Variants in EEPD1 observed in about 807,000 individuals in gnomAD.
EEPD1 encodes the protein endonuclease/exonuclease/phosphatase family domain-containing protein 1.
Under a neutral mutation model 46.3 loss-of-function variants are expected in EEPD1, and 17 were observed. That is an observed-to-expected ratio of 0.37 (90% CI 0.25 to 0.55). The LOEUF is 0.55. EEPD1 is among the 20% of genes least tolerant of loss of function. The pLI is 0.83. For synonymous variants in EEPD1, 313 were observed against 315.6 expected (o/e 0.99, Z 0.09); for missense variants, 673 against 745.6 (o/e 0.90, Z 1.13).
intron 2 of EEPD1, among the ~76,000 whole-genome samples, chr7:36,228,069 A>AC (rs1252233488): frequency 2.0e-5 from 3 of 151,970 alleles, no homozygotes; most frequent in African/African-American, 7.3e-5. Flanking sequence ...ACACAGTGAG[A>AC]CCCCCATCTC....
At position 36,300,436 on chromosome 7, in the gene EEPD1, G is replaced by A. The variant is rs1197730961; in HGVS notation, c.*1230G>A. The A allele has an allele frequency of 6.6e-6, 1 of 152,240 alleles. No homozygotes were observed. Among genetic ancestry groups the A allele is most frequent in the Non-Finnish European group, 1.5e-5 (1 of 68,058 alleles). 9.4% of individuals were successfully genotyped at this position (152,240 alleles called of 1,614,324 possible). ...AGGTCACACCACTGGGTAAATAGAGGGATGCAGACTCAGGTTTTGCTATGT... is the reference window on the plus strand; with the variant it reads ...AGGTCACACCACTGGGTAAATAGAGAGATGCAGACTCAGGTTTTGCTATGT... On this transcript the variant is annotated 3_prime_UTR_variant, in exon 8 of 8. Transcript: ENST00000242108.
chr7:36,296,030 CA>C (rs34494609), intron 6 of EEPD1, among the ~76,000 whole-genome samples: 806 of 71,790 alleles, frequency 0.011, 2 homozygotes, highest in African/African-American at 0.047. Context: ...GACTGTCTCA[CA>C]AAAAAAAAAA....
intron 2 of EEPD1, among the ~76,000 whole-genome samples, chr7:36,238,750 A>C (rs1258013256): frequency 6.6e-6 from 1 of 152,168 alleles, no homozygotes; most frequent in Non-Finnish European, 1.5e-5. Context: ...TTTTGGGAAT[A>C]TACTTAAAAG....
chr7:36,219,761 AAGAGAGAGAGAGAAAGAGAG>A (rs1374405793), intron 2 of EEPD1, among the ~76,000 whole-genome samples: 1 of 124,412 alleles, frequency 8.0e-6, no homozygotes, highest in Non-Finnish European at 1.6e-5. Flanking sequence ...CATGCATTTA[AAGAGAGAGAGAGAAAGAGAG>A]AGAGAGAGAG....
chr7:36,185,740 C>G (rs1583794886), intron 2 of EEPD1, among the ~76,000 whole-genome samples: 1 of 152,204 alleles, frequency 6.6e-6, no homozygotes, highest in Non-Finnish European at 1.5e-5. Flanking sequence ...TCTACATCTT[C>G]TCATGCTTCC....
At chr7:36,235,962 T>TC (rs1379623941) in intron 2 of EEPD1, among the ~76,000 whole-genome samples, 2 of 150,992 alleles carry the variant, frequency 1.3e-5, no homozygotes, top group East Asian at 3.9e-4. Context: ...TCTCGCTCTG[T>TC]CACCCAGGCT....
intron 3 of EEPD1, among the ~76,000 whole-genome samples, chr7:36,270,641 C>CT (rs1251917949): frequency 6.6e-6 from 1 of 152,146 alleles, no homozygotes; most frequent in Non-Finnish European, 1.5e-5. Context: ...TGAACTCATC[C>CT]TTTTTTATGA....
intron 2 of EEPD1, among the ~76,000 whole-genome samples, chr7:36,232,023 C>T (rs113680311): frequency 1.3e-5 from 2 of 152,288 alleles, no homozygotes; most frequent in African/African-American, 4.8e-5. Flanking sequence ...AAACAGCTTT[C>T]TGAAGAAATC....
chr7:36,197,528 A>T (rs893723895), intron 2 of EEPD1, among the ~76,000 whole-genome samples: 41 of 152,254 alleles, frequency 2.7e-4, no homozygotes, highest in African/African-American at 9.4e-4. Context: ...TCTGTGTAGA[A>T]AGAGGTAGAC....
At chr7:36,219,806 A>AGAGAGAGAGAGAGTGT in intron 2 of EEPD1, among the ~76,000 whole-genome samples, 1 of 75,438 alleles carries the variant, frequency 1.3e-5, no homozygotes, top group East Asian at 4.4e-4. Flanking sequence ...AGAGAGAGAG[A>AGAGAGAGAGAGAGTGT]GTGTGTGTGT....
intron 2 of EEPD1, among the ~76,000 whole-genome samples, chr7:36,184,563 C>T (rs1435463113): frequency 6.6e-6 from 1 of 152,148 alleles, no homozygotes; most frequent in Admixed American, 6.5e-5. Flanking sequence ...CATTTCTTGC[C>T]TCTCCTGAAG....
At chr7:36,219,806 A>AGAGAGAGT (rs1341203087) in intron 2 of EEPD1, among the ~76,000 whole-genome samples, 8 of 75,440 alleles carry the variant, frequency 1.1e-4, no homozygotes, top group African/African-American at 3.6e-4. Flanking sequence ...AGAGAGAGAG[A>AGAGAGAGT]GTGTGTGTGT....
At chr7:36,235,182 CCCCCACAGCCTCCAGCCCAGGCCTT>C (rs1172208622) in intron 2 of EEPD1, among the ~76,000 whole-genome samples, 7 of 149,504 alleles carry the variant, frequency 4.7e-5, no homozygotes, top group African/African-American at 1.2e-4. Context: ...GCACAGGTTT[CCCCCACAGCCTCCAGCCCAGGCCTT>C]CCCCACAGCC....
intron 2 of EEPD1, among the ~76,000 whole-genome samples, chr7:36,214,929 C>T (rs573816424): frequency 6.6e-6 from 1 of 152,306 alleles, no homozygotes; most frequent in African/African-American, 2.4e-5. Flanking sequence ...ATTACGGGGT[C>T]AGCAGTTTCT....
At chr7:36,233,904 G>GT (rs1297915258) in intron 2 of EEPD1, among the ~76,000 whole-genome samples, 4 of 152,112 alleles carry the variant, frequency 2.6e-5, no homozygotes, top group Admixed American at 2.0e-4. Context: ...TTTTTGGTGG[G>GT]TTTTTTGTTT....
intron 2 of EEPD1, among the ~76,000 whole-genome samples, chr7:36,212,702 T>C (rs570408143): frequency 9.0e-4 from 137 of 151,548 alleles, no homozygotes; most frequent in African/African-American, 3.1e-3. Flanking sequence ...ATTCATGATA[T>C]GATTGCAGTT....
Position 36,185,410 on chromosome 7 carries a change from G to A in EEPD1, c.878+30208G>A, listed in dbSNP as rs144394867. Among the ~76,000 whole-genome samples the A allele has an allele frequency of 2.8e-4, 42 of 152,306 alleles. 1 individual carries two copies. The East Asian group carries it at 4.8e-3, about 17-fold the overall frequency. On this transcript the variant is annotated intron_variant, in intron 2 of 7. Transcript: ENST00000242108. ...CTTATTCATTCTGTGGTGGAGGGAC[G>A]CTTAGATTTTGTCCAGTTTTTTGTT...
chr7:36,219,313 C>T (rs1232600294), intron 2 of EEPD1, among the ~76,000 whole-genome samples: 1 of 149,986 alleles, frequency 6.7e-6, no homozygotes, highest in Non-Finnish European at 1.5e-5. Context: ...AGCCTAAACT[C>T]GTGGTCATTT....
intron 2 of EEPD1, among the ~76,000 whole-genome samples, chr7:36,234,749 G>A (rs1338775718): frequency 2.6e-5 from 4 of 151,998 alleles, no homozygotes; most frequent in African/African-American, 4.8e-5. Flanking sequence ...TTTCTATTCC[G>A]TAGAACCTGT....
Sources: allele counts gnomAD v4.1 joint callset (sites outside exome capture counted in the v4.1 genomes callset), GRCh38; gene constraint gnomAD v4.1.1; transcripts MANE v1.5; gene names NCBI Gene and HGNC (gene_info 2026-07-23, HGNC 2026-07-21).